MTPAP: variants seen among roughly 807,000 people sequenced by gnomAD.
MTPAP encodes the protein poly(A) RNA polymerase, mitochondrial.
MTPAP carries 23 observed loss-of-function variants against 48.7 expected under a neutral mutation model. That is an observed-to-expected ratio of 0.47 (90% confidence interval 0.34 to 0.67). MTPAP has a LOEUF of 0.67. Ranked by LOEUF, MTPAP falls within the 30% of genes least tolerant of loss-of-function variation. The probability of loss-of-function intolerance (pLI) is 0.01; values close to 1 mark genes in which losing one functional copy is unlikely to be tolerated. For missense variants in MTPAP, 614 were observed against 694.3 expected, an observed-to-expected ratio of 0.88 and a Z score of 1.30; for synonymous variants, 257 against 254.1, an observed-to-expected ratio of 1.01 and a Z score of -0.11.
intron 1 of MTPAP, among the ~76,000 whole-genome samples, chr10:30,347,936 G>A (rs898909952): frequency 6.7e-5 from 10 of 150,368 alleles, no homozygotes; most frequent in Non-Finnish European, 1.2e-4. Flanking sequence ...TTTTGCCACC[G>A]AATAGCTGAG....
At chr10:30,341,716 A>G in intron 1 of MTPAP, 76 bp from the exon 2 acceptor site, 1 of 1,530,014 alleles carries the variant, frequency 6.5e-7, no homozygotes, top group Non-Finnish European at 9.0e-7. Context: ...AGGTGTTTAA[A>G]GACTTCATAT....
In MTPAP at chr10:30,311,829, C is replaced by T. The variant is rs943801943; in HGVS notation, c.*1780G>A. 1.3e-5 allele frequency: 2 copies of T among 152,344 alleles called. No individual in the cohort carries two copies. The highest frequency in any genetic ancestry group is 6.5e-5 in the Admixed American group (1 of 15,282). The allele number at this position is 152,344 out of a possible 1,614,324, so 9.4% of individuals were successfully genotyped here. A position where few individuals can be genotyped will look rare whatever the true frequency, so the allele number is the denominator to read the frequency against. On this transcript the variant is annotated 3_prime_UTR_variant, in exon 9 of 9. Coordinates refer to ENST00000263063, the MANE Select transcript of MTPAP (RefSeq NM_018109.4). ...ACAGGCATGTGCCGCTATGCCCAGG[C>T]CTTACTTGCTTCTTAAATAGAAAGT...
chr10:30,341,375 A>G (rs1192343248), intron 2 of MTPAP, 93 bp downstream of exon 2: 7 of 1,493,988 alleles, frequency 4.7e-6, no homozygotes, highest in South Asian at 1.3e-5. Flanking sequence ...CCTACCTACC[A>G]TATTGCAAAA....
At chr10:30,320,448 G>A (rs115142394) in intron 6 of MTPAP, among the ~76,000 whole-genome samples, 7,422 of 152,154 alleles carry the variant, frequency 0.049, 596 homozygotes, top group African/African-American at 0.17. Context: ...CGTGAGCCCG[G>A]GAGGTCGAGG....
chr10:30,336,783 G>T lies in MTPAP; in HGVS notation c.780+20C>A. The T allele has an allele frequency of 6.5e-7, 1 of 1,547,942 alleles. No homozygotes were observed. The highest frequency in any genetic ancestry group is 8.9e-7 in the Non-Finnish European group (1 of 1,121,664). On this transcript the variant is annotated intron_variant, in intron 4 of 8. Coordinates refer to ENST00000263063, the MANE Select transcript of MTPAP (RefSeq NM_018109.4). ...TTCTTAACTTTACATGATTATAGTG[G>T]TCAAAAGAAATAGACTTACCTTGTG...
At chr10:30,329,699 T>C (rs1329698628) in intron 4 of MTPAP, among the ~76,000 whole-genome samples, 1 of 152,018 alleles carries the variant, frequency 6.6e-6, no homozygotes, top group East Asian at 1.9e-4. Context: ...AACTAATATA[T>C]AGTTGGCAAT....
At chr10:30,340,869 A>C (rs928394198) in intron 2 of MTPAP, among the ~76,000 whole-genome samples, 16 of 152,128 alleles carry the variant, frequency 1.1e-4, no homozygotes, top group Non-Finnish European at 1.9e-4. Flanking sequence ...CAATGACCCA[A>C]GATCATGCCA....
intron 4 of MTPAP, among the ~76,000 whole-genome samples, chr10:30,334,137 T>C (rs1464717961): frequency 3.3e-5 from 5 of 151,990 alleles, no homozygotes; most frequent in Non-Finnish European, 5.9e-5. Context: ...TGGAGACAGA[T>C]AGAAATACCT....
In MTPAP at chr10:30,336,977, C is replaced by T; in HGVS notation, c.606G>A (p.Glu202=). The T allele has an allele frequency of 1.9e-6, 3 of 1,613,560 alleles. No homozygotes were observed. The highest frequency in any genetic ancestry group is 1.7e-6 in the Non-Finnish European group (2 of 1,180,010). Residue 202 remains glutamate (E), a synonymous_variant, in exon 4 of 9, where the codon GAG becomes GAA. Transcript: ENST00000263063. ...TLLKEFQLTE[E]NTKLRYLTCS... ...AGGTGAGATATCGGAGCTTAGTGTT[C>T]TCCTCTGTTAGCTGGAACTCCTTCA...
intron 3 of MTPAP, among the ~76,000 whole-genome samples, chr10:30,337,501 G>A (rs1390170396): frequency 1.3e-5 from 2 of 152,102 alleles, no homozygotes; most frequent in Non-Finnish European, 2.9e-5. Flanking sequence ...TACTTTGGAA[G>A]GCCAAGGCGG....
chr10:30,348,816 T>C, intron 1 of MTPAP: 1 of 422,180 alleles, frequency 2.4e-6, no homozygotes, highest in Non-Finnish European at 4.4e-6. Flanking sequence ...GGGAACACTA[T>C]TTCGTCAAAC....
Position 30,346,071 on chromosome 10 carries a change from T to C in MTPAP, c.157+3048A>G, listed in dbSNP as rs577593281. ...AAAAAAAAAAAAAAAGACAGAATAC[T>C]ATCCTGTATTTAGAATTAAAAACAA... On this transcript the variant is annotated intron_variant, in intron 1 of 8. Coordinates refer to ENST00000263063, the MANE Select transcript of MTPAP (RefSeq NM_018109.4). 1.2e-4 allele frequency among the ~76,000 whole-genome samples: 18 copies of C among 150,156 alleles called. 1 individual carries two copies. In the East Asian group the frequency reaches 3.5e-3, roughly 29 times the overall value.
chr10:30,321,643 C>A (rs1370930240), intron 6 of MTPAP, among the ~76,000 whole-genome samples: 1 of 152,158 alleles, frequency 6.6e-6, no homozygotes, highest in Non-Finnish European at 1.5e-5. Flanking sequence ...ATTTTAAACA[C>A]CAAGCTATGT....
At chr10:30,347,998 T>C (rs1336533847) in intron 1 of MTPAP, among the ~76,000 whole-genome samples, 1 of 152,236 alleles carries the variant, frequency 6.6e-6, no homozygotes, top group Non-Finnish European at 1.5e-5. Context: ...CCCTCATCTA[T>C]AAAATGGAGT....
At chr10:30,338,661 G>A (rs1325448537) in intron 3 of MTPAP, among the ~76,000 whole-genome samples, 1 of 150,932 alleles carries the variant, frequency 6.6e-6, no homozygotes, top group Non-Finnish European at 1.5e-5. Flanking sequence ...GGCAACAAGA[G>A]CAAAACTCTG....
chr10:30,322,535 A>T lies in MTPAP; in HGVS notation c.1075T>A (p.Cys359Ser). Residue 359 changes from cysteine (C) to serine (S), a missense_variant, in exon 6 of 9, where the codon TGC becomes AGC. Cys to Ser is a moderately radical substitution (Grantham distance 112, BLOSUM62 -1). This residue lies in a region of MTPAP where 261 missense variants were observed against 355.4 expected (regional missense o/e 0.73). Transcript: ENST00000263063. ...GTTAGTGAATGTGCTCGAGCCCAGCACCGTACACTGAACACCAAGGCTCTC... is the reference window on the plus strand; with the variant it reads ...GTTAGTGAATGTGCTCGAGCCCAGCTCCGTACACTGAACACCAAGGCTCTC... ...RVRALVFSVR[C>S]WARAHSLTSS... is the part of the protein sequence containing the mutation. 1 of 1,614,074 alleles carries T rather than the reference A, an allele frequency of 6.2e-7. No homozygotes were observed. The highest frequency in any genetic ancestry group is 8.5e-7 in the Non-Finnish European group (1 of 1,179,952).
At chr10:30,332,331 C>T (rs1023696600) in intron 4 of MTPAP, among the ~76,000 whole-genome samples, 8 of 152,142 alleles carry the variant, frequency 5.3e-5, no homozygotes, top group Non-Finnish European at 1.0e-4. Flanking sequence ...CTTGCTATTT[C>T]GCCCAGGCTG....
chr10:30,324,879 G>C (rs1048196317), intron 5 of MTPAP, among the ~76,000 whole-genome samples: 4 of 152,020 alleles, frequency 2.6e-5, no homozygotes, highest in African/African-American at 4.8e-5. Flanking sequence ...GTCCCAGCTC[G>C]GAAGGCTGAG....
intron 3 of MTPAP, chr10:30,339,951 T>C: frequency 2.1e-6 from 1 of 470,410 alleles, no homozygotes; most frequent in Non-Finnish European, 3.9e-6. Flanking sequence ...CAAGACCATA[T>C]GCCAGTCATC....
Sources: gnomAD v4.1 joint callset for allele counts (sites outside exome capture counted in the v4.1 genomes callset) on GRCh38, gnomAD v4.1.1 for gene constraint, gnomAD v4.1.1 regional missense constraint, MANE v1.5 for transcripts, NCBI Gene and HGNC (gene_info 2026-07-23, HGNC 2026-07-21) for gene names.